PAMR1: variants seen among roughly 807,000 people sequenced by gnomAD.
PAMR1 encodes the protein inactive serine protease PAMR1.
Under a neutral mutation model 81.8 loss-of-function variants are expected in PAMR1, and 88 were observed. The ratio of observed to expected loss-of-function variants is 1.08; its 90% CI spans 0.91 to 1.28. The LOEUF is 1.28. Ranked by LOEUF, PAMR1 falls within the 50% of genes most tolerant of loss-of-function variation. The pLI is 0.00. For synonymous variants in PAMR1, 336 were observed against 345.3 expected (o/e 0.97, Z 0.30); for missense variants, 935 against 919.7 (o/e 1.02, Z -0.21).
intron 1 of PAMR1, among the ~76,000 whole-genome samples, chr11:35,517,949 C>T (rs1177613550): frequency 6.6e-6 from 1 of 152,226 alleles, no homozygotes; most frequent in Non-Finnish European, 1.5e-5. Flanking sequence ...TTAGAATCTT[C>T]TCTTGCTGTG....
intron 3 of PAMR1, among the ~76,000 whole-genome samples, chr11:35,477,632 G>A (rs965085764): frequency 3.3e-5 from 5 of 152,202 alleles, no homozygotes; most frequent in Admixed American, 1.3e-4. Flanking sequence ...ATACGGTTTT[G>A]TGAAGCTTAA....
Position 35,494,090 on chromosome 11 carries a change from A to C in PAMR1, c.250+6T>G. The stretch of plus-strand genomic sequence containing the variant: ...GGCAACCTGAAGTCTCCCATTCCAC[A>C]CTCACCTGGGTGGATCAGGCAGGAG... On this transcript the variant is annotated splice_donor_region_variant and intron_variant, in intron 2 of 10. Coordinates refer to ENST00000619888, the MANE Select transcript of PAMR1 (RefSeq NM_001001991.3). 1.2e-6 allele frequency: 2 copies of C among 1,612,420 alleles called. No homozygotes were observed. The highest frequency in any genetic ancestry group is 1.7e-6 in the Non-Finnish European group (2 of 1,178,736).
At chr11:35,488,020 GA>G (rs1413384598) in intron 3 of PAMR1, among the ~76,000 whole-genome samples, 2 of 152,036 alleles carry the variant, frequency 1.3e-5, no homozygotes, top group African/African-American at 4.8e-5. Flanking sequence ...GACAGAAAAG[GA>G]AGCTCCCTCT....
chr11:35,456,638 A>G (rs1369617283), intron 6 of PAMR1, among the ~76,000 whole-genome samples: 1 of 152,212 alleles, frequency 6.6e-6, no homozygotes, highest in Non-Finnish European at 1.5e-5. Context: ...GGGCACAATT[A>G]CAAGAGATGA....
At chr11:35,493,479 A>G (rs1028611568) in intron 2 of PAMR1, among the ~76,000 whole-genome samples, 1 of 151,838 alleles carries the variant, frequency 6.6e-6, no homozygotes, top group Admixed American at 6.6e-5. Context: ...CATCACATAC[A>G]CATTTCTCCT....
chr11:35,485,786 G>C (rs1462528235), intron 3 of PAMR1, among the ~76,000 whole-genome samples: 1 of 102,504 alleles, frequency 9.8e-6, no homozygotes, highest in Admixed American at 1.0e-4. Context: ...CTAAGGCTCT[G>C]TATGGTACTC....
chr11:35,510,521 T>C (rs1392288323), intron 1 of PAMR1, among the ~76,000 whole-genome samples: 1 of 140,104 alleles, frequency 7.1e-6, no homozygotes, highest in Admixed American at 7.4e-5. Context: ...GAGTTCCTTG[T>C]GAAAATGTTT....
At chr11:35,450,860 C>T (rs1036995840) in intron 6 of PAMR1, among the ~76,000 whole-genome samples, 7 of 152,188 alleles carry the variant, frequency 4.6e-5, no homozygotes, top group Admixed American at 3.3e-4. Context: ...TTCTTCACAG[C>T]CCCCAAGGGC....
intron 1 of PAMR1, among the ~76,000 whole-genome samples, chr11:35,508,964 T>C (rs1403502977): frequency 1.3e-5 from 2 of 152,232 alleles, no homozygotes; most frequent in African/African-American, 4.8e-5. Flanking sequence ...GGCATTTAGG[T>C]TGACTCCATG....
chr11:35,529,679 G>C (rs771251999), upstream of PAMR1, among the ~76,000 whole-genome samples: 1 of 152,162 alleles, frequency 6.6e-6, no homozygotes, highest in African/African-American at 2.4e-5. Context: ...AATGTTAACT[G>C]TTTCTGTGAT....
Position 35,525,532 on chromosome 11 carries a change from GAGA to G in PAMR1, c.51_53del (p.Leu18del). On this transcript the variant is annotated inframe_deletion, in exon 1 of 11. Coordinates refer to ENST00000619888, the MANE Select transcript of PAMR1 (RefSeq NM_001001991.3). ...CAGTACCTCTTGGCAAGGACGAGATGAGAAGGAGCTGAAGAAAAGTGAGCCCCA... is the reference window on the plus strand; with the variant it reads ...CAGTACCTCTTGGCAAGGACGAGATGAGGAGCTGAAGAAAAGTGAGCCCCA... 1 of 1,614,004 alleles carries G rather than the reference GAGA, an allele frequency of 6.2e-7. No individual in the cohort carries two copies. Among genetic ancestry groups the G allele is most frequent in the Non-Finnish European group, 8.5e-7 (1 of 1,179,918 alleles).
intron 3 of PAMR1, among the ~76,000 whole-genome samples, chr11:35,480,522 G>T (rs905947703): frequency 2.6e-5 from 4 of 152,014 alleles, no homozygotes; most frequent in African/African-American, 9.7e-5. Flanking sequence ...CTTCTATTTT[G>T]ACCAATAGGC....
upstream of PAMR1, chr11:35,525,882 C>A: frequency 2.1e-6 from 1 of 487,782 alleles, no homozygotes; most frequent in Non-Finnish European, 3.7e-6. Context: ...GGGAGGCCAG[C>A]CTGGGTACAG....
At chr11:35,525,818 T>C, upstream of PAMR1, 1 of 571,164 alleles carries the variant, frequency 1.8e-6, no homozygotes, top group East Asian at 2.9e-5. Context: ...CCCCGGGAGG[T>C]GTGGCCACGC....
intron 1 of PAMR1, among the ~76,000 whole-genome samples, chr11:35,497,726 A>G (rs781649857): frequency 2.6e-5 from 4 of 152,198 alleles, no homozygotes; most frequent in Non-Finnish European, 4.4e-5. Flanking sequence ...TGAATTTTCA[A>G]TAAATAGTGA....
chr11:35,517,434 T>G (rs1011325529), intron 1 of PAMR1, among the ~76,000 whole-genome samples: 2 of 152,266 alleles, frequency 1.3e-5, no homozygotes, highest in Admixed American at 6.5e-5. Flanking sequence ...TGGTGAGATA[T>G]TCTTCCATGT....
At chr11:35,481,443 T>A (rs1436178622) in intron 3 of PAMR1, among the ~76,000 whole-genome samples, 1 of 152,236 alleles carries the variant, frequency 6.6e-6, no homozygotes, top group Non-Finnish European at 1.5e-5. Flanking sequence ...AATTTGCATT[T>A]CTCTAATAAT....
chr11:35,440,643 A>G (rs917907942), intron 7 of PAMR1, among the ~76,000 whole-genome samples: 3 of 152,150 alleles, frequency 2.0e-5, no homozygotes, highest in African/African-American at 7.2e-5. Context: ...GCAACTAGTG[A>G]ATCAATTCAG....
intron 1 of PAMR1, among the ~76,000 whole-genome samples, chr11:35,520,167 C>G (rs1044673786): frequency 7.9e-5 from 12 of 152,138 alleles, no homozygotes; most frequent in African/African-American, 2.9e-4. Context: ...GTGTTTCCAC[C>G]ATTGATGATT....
Sources: allele counts gnomAD v4.1 joint callset (sites outside exome capture counted in the v4.1 genomes callset), GRCh38; gene constraint gnomAD v4.1.1; transcripts MANE v1.5; gene names NCBI Gene and HGNC (gene_info 2026-07-23, HGNC 2026-07-21).